The following SNRPN variants were observed in gnomAD, a reference collection of about 807,000 sequenced individuals.
SNRPN encodes small nuclear ribonucleoprotein-associated protein N.
SNRPN carries 7 observed loss-of-function variants against 25.2 expected under a neutral mutation model. The ratio of observed to expected loss-of-function variants is 0.28; its 90% CI spans 0.16 to 0.52. SNRPN has a LOEUF of 0.52. Ranked by LOEUF, SNRPN falls within the 20% of genes least tolerant of loss-of-function variation. The pLI is 0.96. For synonymous variants in SNRPN, 124 were observed against 110.6 expected (o/e 1.12, Z -0.76); for missense variants, 196 against 322.5 (o/e 0.61, Z 3.00).
intron 2 of SNRPN, among the ~76,000 whole-genome samples, chr15:24,905,143 T>C (rs1039003374): frequency 4.7e-5 from 7 of 149,730 alleles, no homozygotes; most frequent in Non-Finnish European, 7.4e-5. Context: ...AAAAATTAAA[T>C]CCACCAAATT....
chr15:24,841,817 A>G (rs1287271869), intron 2 of SNRPN, among the ~76,000 whole-genome samples: 1 of 152,152 alleles, frequency 6.6e-6, no homozygotes, highest in Non-Finnish European at 1.5e-5. Flanking sequence ...GGGACCATAC[A>G]AGGACCTCTC....
chr15:24,925,656 G>T (rs1400365335), intron 3 of SNRPN, among the ~76,000 whole-genome samples: 1 of 151,838 alleles, frequency 6.6e-6, no homozygotes, highest in African/African-American at 2.4e-5. Context: ...GCAGTTGTGC[G>T]ATCACTACAG....
chr15:24,825,373 C>T (rs1393544431), intron 1 of SNRPN, among the ~76,000 whole-genome samples: 1 of 151,566 alleles, frequency 6.6e-6, no homozygotes, highest in Non-Finnish European at 1.5e-5. Flanking sequence ...AGATGATTCC[C>T]AAATCTGAAA....
chr15:24,978,623 G>T lies in SNRPN; in HGVS notation c.*179G>T. ...TATTTTTTTGCCTGTTGATTTTGAT[G>T]AGATCTTAAGTTACTGTGGATGAGG... On this transcript the variant is annotated 3_prime_UTR_variant, in exon 10 of 10. Transcript: ENST00000390687. 1.6e-6 allele frequency: 1 copy of T among 641,286 alleles called. No individual in the cohort carries two copies. The highest frequency in any genetic ancestry group is 2.7e-5 in the East Asian group (1 of 37,316). The allele number at this position is 641,286 out of a possible 1,614,324, so 39.7% of individuals were successfully genotyped here.
intron 1 of SNRPN, 29 bp downstream of exon 1, chr15:24,955,091 A>G (rs374665566): frequency 1.2e-6 from 2 of 1,613,472 alleles, no homozygotes; most frequent in Non-Finnish European, 1.7e-6. Flanking sequence ...TTCTCTCAAG[A>G]GACAGCCTGG....
chr15:24,924,348 C>T (rs1365718560), intron 3 of SNRPN, among the ~76,000 whole-genome samples: 1 of 151,972 alleles, frequency 6.6e-6, no homozygotes, highest in Non-Finnish European at 1.5e-5. Context: ...GAACAGGTAA[C>T]AGCCGGTGAC....
At chr15:24,956,365 C>T (rs933021817) in intron 1 of SNRPN, among the ~76,000 whole-genome samples, 2 of 128,980 alleles carry the variant, frequency 1.6e-5, no homozygotes, top group East Asian at 5.3e-4. Flanking sequence ...GGGGGGGTGG[C>T]CGCTTCCTCC....
chr15:24,897,407 G>C (rs1182985975), intron 2 of SNRPN, among the ~76,000 whole-genome samples: 2 of 152,196 alleles, frequency 1.3e-5, no homozygotes, highest in Admixed American at 1.3e-4. Context: ...GAGCAACGTA[G>C]CAAGACCCTG....
At chr15:24,834,751 C>CTCTCTCTCTCTCTCTCTCTATATA in intron 2 of SNRPN, among the ~76,000 whole-genome samples, 15 of 60,950 alleles carry the variant, frequency 2.5e-4, no homozygotes, top group Non-Finnish European at 2.6e-4. Flanking sequence ...CTCTCTCTCT[C>CTCTCTCTCTCTCTCTCTCTATATA]TATATATATA....
upstream of SNRPN, among the ~76,000 whole-genome samples, chr15:24,854,242 G>T (rs1178566738): frequency 1.3e-5 from 2 of 151,592 alleles, no homozygotes; most frequent in Non-Finnish European, 2.9e-5. Flanking sequence ...TTTTAATACT[G>T]CTACAGTGGC....
chr15:24,970,774 A>G (rs2076299612), intron 3 of SNRPN, among the ~76,000 whole-genome samples: 1 of 152,316 alleles, frequency 6.6e-6, no homozygotes, highest in Admixed American at 6.5e-5. Flanking sequence ...TTAGTAGACC[A>G]TTAGTTTCTC....
chr15:24,882,471 G>T (rs1276778852), intron 1 of SNRPN, among the ~76,000 whole-genome samples: 1 of 151,942 alleles, frequency 6.6e-6, no homozygotes, highest in Non-Finnish European at 1.5e-5. Context: ...CACTTTCATA[G>T]CACAGATGCT....
At position 24,978,578 on chromosome 15, in the gene SNRPN, CTG is replaced by C; in HGVS notation, c.*137_*138del. ...ATAATAAATGCATAGAGCAATTAAA[CTG>C]TGAGGTACTGTTGTATATATTTTTT... On this transcript the variant is annotated 3_prime_UTR_variant, in exon 10 of 10. Coordinates refer to ENST00000390687, the MANE Select transcript of SNRPN (RefSeq NM_003097.6). 1.2e-6 allele frequency: 1 copy of C among 818,358 alleles called. No homozygotes were observed. The highest frequency in any genetic ancestry group is 1.5e-5 in the South Asian group (1 of 68,602). 50.7% of individuals were successfully genotyped at this position (818,358 alleles called of 1,614,324 possible). A position where few individuals can be genotyped will look rare whatever the true frequency, so the allele number is the denominator to read the frequency against.
intron 3 of SNRPN, among the ~76,000 whole-genome samples, chr15:24,947,405 T>G (rs2061951148): frequency 6.6e-6 from 1 of 152,164 alleles, no homozygotes; most frequent in South Asian, 2.1e-4. Flanking sequence ...CAGAGGCAAG[T>G]GGATCACGAG....
intron 2 of SNRPN, chr15:24,849,201 G>A (rs1307548618): frequency 6.6e-6 from 1 of 152,378 alleles, no homozygotes; most frequent in African/African-American, 2.4e-5. Context: ...AAAGTGCTGG[G>A]ATTACAGGCG....
chr15:24,946,506 A>G (rs953519502), intron 3 of SNRPN, among the ~76,000 whole-genome samples: 4 of 152,176 alleles, frequency 2.6e-5, no homozygotes, highest in East Asian at 1.9e-4. Context: ...ATCTCACTCT[A>G]TCACCCAGAC....
chr15:24,974,653 C>T (rs2076856841), intron 4 of SNRPN, 197 bp downstream of exon 4: 2 of 647,928 alleles, frequency 3.1e-6, no homozygotes, highest in East Asian at 2.7e-5. Context: ...CGGGGTCTTG[C>T]TCTGTCTCCC....
At chr15:24,903,757 A>G (rs2058612582) in intron 2 of SNRPN, among the ~76,000 whole-genome samples, 1 of 152,198 alleles carries the variant, frequency 6.6e-6, no homozygotes, top group South Asian at 2.1e-4. Context: ...ATCAGGGCCA[A>G]GCGCGGTGGC....
rs3071831 is a variant in SNRPN at position 24,977,958 on chromosome 15, TGAGA to T, written c.559+45_559+48del. The stretch of plus-strand genomic sequence containing the variant: ...CACGAAGACGAACTTGAATCTCTGA[TGAGA>T]GATAGCTTACTGATTTAAGACACAG... On this transcript the variant is annotated intron_variant, in intron 8 of 9. Transcript: ENST00000390687. 1.4e-4 allele frequency: 211 copies of T among 1,508,596 alleles called. 2 individuals are homozygous for T. The African/African-American group carries it at 2.7e-3, about 19-fold the overall frequency. The allele number at this position is 1,508,596 out of a possible 1,614,324, so 93.5% of individuals were successfully genotyped here. A position where few individuals can be genotyped will look rare whatever the true frequency, so the allele number is the denominator to read the frequency against.
Sources: gnomAD v4.1 joint callset for allele counts (sites outside exome capture counted in the v4.1 genomes callset) on GRCh38, gnomAD v4.1.1 for gene constraint, MANE v1.5 for transcripts, NCBI Gene and HGNC (gene_info 2026-07-23, HGNC 2026-07-21) for gene names.